The following MPPED1 variants were observed in gnomAD, a reference collection of about 807,000 sequenced individuals.
MPPED1 encodes metallophosphoesterase domain-containing protein 1.
Under a neutral mutation model 36.2 loss-of-function variants are expected in MPPED1, and 16 were observed. The ratio of observed to expected loss-of-function variants is 0.44; its 90% confidence interval spans 0.30 to 0.67. The LOEUF is 0.67. Among genes scored for constraint, MPPED1 ranks in the 30% least tolerant of loss-of-function variants. The pLI is 0.10. For missense variants in MPPED1, 307 were observed against 453.4 expected, an observed-to-expected ratio of 0.68 and a Z score of 2.93; for synonymous variants, 199 against 191.3, an observed-to-expected ratio of 1.04 and a Z score of -0.33.
intron 3 of MPPED1, among the ~76,000 whole-genome samples, chr22:43,454,072 G>A (rs932924198): frequency 6.7e-6 from 1 of 150,180 alleles, no homozygotes; most frequent in African/African-American, 2.5e-5. Flanking sequence ...GCAGTGGTGC[G>A]ATCTAGGCTC....
chr22:43,475,736 T>TGTG (rs200868199), intron 4 of MPPED1, among the ~76,000 whole-genome samples: 5 of 108,120 alleles, frequency 4.6e-5, no homozygotes, highest in Admixed American at 8.6e-5. Context: ...TGATGATGGT[T>TGTG]GTGGTGGTGG....
intron 3 of MPPED1, among the ~76,000 whole-genome samples, chr22:43,451,927 T>C (rs1930583755): frequency 6.6e-6 from 1 of 152,202 alleles, no homozygotes; most frequent in Non-Finnish European, 1.5e-5. Flanking sequence ...CCTGCCGGAG[T>C]GCCAATCCTG....
intron 1 of MPPED1, chr22:43,417,012 C>T (rs1929098475): frequency 1.0e-6 from 1 of 985,042 alleles, no homozygotes; most frequent in Non-Finnish European, 1.2e-6. Flanking sequence ...AGGACATGAT[C>T]CAGTAAGTAG....
At position 43,425,078 on chromosome 22, in the gene MPPED1, C is replaced by T. The variant is rs377598999; in HGVS notation, c.93C>T (p.His31=). 8.1e-5 allele frequency: 130 copies of T among 1,613,684 alleles called. 1 individual carries two copies. The highest frequency in any genetic ancestry group is 7.7e-4 in the South Asian group (70 of 91,062). The change falls in exon 2 of 7, where the codon CAC becomes CAT. Residue 31 remains histidine, a synonymous_variant. Transcript: ENST00000443721. ...TGGGCATGGCATTCTCCCAGTCCCA[C>T]GTGATGGCCGCTCGGCGGCACCAGC... ...CGLGMAFSQS[H]VMAARRHQHS...
chr22:43,452,120 C>T (rs989041245), intron 3 of MPPED1, among the ~76,000 whole-genome samples: 6 of 151,356 alleles, frequency 4.0e-5, no homozygotes, highest in Non-Finnish European at 1.5e-5. Flanking sequence ...CAGGTTCAAG[C>T]GATTCTCCTG....
intron 3 of MPPED1, among the ~76,000 whole-genome samples, chr22:43,471,322 C>G (rs1470286650): frequency 6.6e-6 from 1 of 152,194 alleles, no homozygotes; most frequent in Non-Finnish European, 1.5e-5. Context: ...TGGCCACCCC[C>G]AACCCGAGCT....
chr22:43,439,943 C>T (rs1003481039), intron 3 of MPPED1, among the ~76,000 whole-genome samples: 1 of 152,260 alleles, frequency 6.6e-6, no homozygotes, highest in Non-Finnish European at 1.5e-5. Flanking sequence ...GTTCCCTGCT[C>T]CTCTGTACGC....
intron 5 of MPPED1, among the ~76,000 whole-genome samples, chr22:43,500,184 A>G (rs377668325): frequency 0.036 from 456 of 12,686 alleles, 2 homozygotes; most frequent in Non-Finnish European, 0.041. Flanking sequence ...GGTGGTGGTG[A>G]TGGTGATGGA....
At chr22:43,431,344 C>T (rs531027254) in intron 2 of MPPED1, among the ~76,000 whole-genome samples, 2 of 152,154 alleles carry the variant, frequency 1.3e-5, no homozygotes, top group South Asian at 2.1e-4. Context: ...TGCCTGGCCT[C>T]TTTCTCCATA....
At chr22:43,435,328 T>A in intron 3 of MPPED1, 113 bp downstream of exon 3, 1 of 1,212,488 alleles carries the variant, frequency 8.2e-7, no homozygotes, top group Non-Finnish European at 1.1e-6. Flanking sequence ...GCCCCCTCCT[T>A]GGCCTGTGCC....
At chr22:43,450,339 G>A (rs972741486) in intron 3 of MPPED1, among the ~76,000 whole-genome samples, 1 of 152,214 alleles carries the variant, frequency 6.6e-6, no homozygotes, top group Non-Finnish European at 1.5e-5. Context: ...TCACTCCCCT[G>A]TGCCTCAGTG....
chr22:43,467,330 T>C (rs376683044), intron 3 of MPPED1, among the ~76,000 whole-genome samples: 1 of 152,246 alleles, frequency 6.6e-6, no homozygotes, highest in East Asian at 1.9e-4. Context: ...GGTAGCAGAA[T>C]TCAGCTTCTG....
At chr22:43,423,360 C>T (rs370832750) in intron 1 of MPPED1, among the ~76,000 whole-genome samples, 4 of 152,322 alleles carry the variant, frequency 2.6e-5, no homozygotes, top group Admixed American at 1.3e-4. Flanking sequence ...GGGTGCAGGC[C>T]CCTGCTCCCC....
At chr22:43,492,307 A>G (rs1327603126) in intron 4 of MPPED1, among the ~76,000 whole-genome samples, 1 of 152,122 alleles carries the variant, frequency 6.6e-6, no homozygotes, top group Non-Finnish European at 1.5e-5. Context: ...TAACTGCAAG[A>G]TGAGCTCACA....
chr22:43,434,675 G>A (rs2146833679), intron 2 of MPPED1, among the ~76,000 whole-genome samples: 1 of 152,376 alleles, frequency 6.6e-6, no homozygotes, highest in Non-Finnish European at 1.5e-5. Context: ...CACTCTGGCG[G>A]TGATAACGAA....
intron 3 of MPPED1, among the ~76,000 whole-genome samples, chr22:43,450,970 C>T (rs1168474511): frequency 1.3e-5 from 2 of 151,812 alleles, no homozygotes; most frequent in Non-Finnish European, 2.9e-5. Context: ...AGGTGATCTG[C>T]CCACCTTGGC....
In MPPED1 at chr22:43,485,605, G is replaced by A. The variant is rs80124836; in HGVS notation, c.632+10644G>A. Among the ~76,000 whole-genome samples the A allele has an allele frequency of 1.2e-4, 18 of 151,966 alleles. 1 individual carries two copies. The highest frequency in any genetic ancestry group is 3.6e-4 in the African/African-American group (15 of 41,348). The stretch of plus-strand genomic sequence containing the variant: ...TGCCCCCTTCCTATCTTCATCTTCC[G>A]TTCACCTGTCCAGATAAAATTGATT... On this transcript the variant is annotated intron_variant, in intron 4 of 6. Coordinates refer to ENST00000443721, the MANE Select transcript of MPPED1 (RefSeq NM_001044370.2).
At chr22:43,453,162 G>C (rs1930633830) in intron 3 of MPPED1, among the ~76,000 whole-genome samples, 1 of 152,080 alleles carries the variant, frequency 6.6e-6, no homozygotes. Context: ...GTGTTAGCCA[G>C]GATGGTCTCG....
At chr22:43,430,777 C>T (rs12158832) in intron 2 of MPPED1, among the ~76,000 whole-genome samples, 5,575 of 152,076 alleles carry the variant, frequency 0.037, 284 homozygotes, top group African/African-American at 0.12. Context: ...GATTAGACGC[C>T]CAGATTCCTG....
Sources: allele counts gnomAD v4.1 joint callset (sites outside exome capture counted in the v4.1 genomes callset), GRCh38; gene constraint gnomAD v4.1.1; transcripts MANE v1.5; gene names NCBI Gene and HGNC (gene_info 2026-07-23, HGNC 2026-07-21).